Variants in PTPRZ1 observed in about 807,000 individuals in gnomAD.
PTPRZ1 encodes the protein protein tyrosine phosphatase receptor type Z1, also known as receptor-type tyrosine-protein phosphatase zeta.
A neutral mutation model predicts 214.1 loss-of-function variants in PTPRZ1; 82 were observed. That is an observed-to-expected ratio of 0.38 (90% CI 0.32 to 0.46). PTPRZ1 has a LOEUF of 0.46. Among genes scored for constraint, PTPRZ1 ranks in the 20% least tolerant of loss-of-function variants. The pLI is 1.00. For missense variants in PTPRZ1, 2,603 were observed against 2,748.7 expected (o/e 0.95, Z 1.19); for synonymous variants, 945 against 987.9 (o/e 0.96, Z 0.81).
chr7:122,013,986 G>T, intron 12 of PTPRZ1, 97 bp downstream of exon 12: 1 of 1,022,562 alleles, frequency 9.8e-7, no homozygotes, highest in South Asian at 2.3e-5. Flanking sequence ...TGGTAAAATG[G>T]TACATCATCA....
intron 12 of PTPRZ1, among the ~76,000 whole-genome samples, chr7:122,014,422 A>G (rs1001769586): frequency 6.6e-6 from 1 of 151,858 alleles, no homozygotes; most frequent in Non-Finnish European, 1.5e-5. Flanking sequence ...AGCTTTATTT[A>G]TTATTATTAT....
rs534143827 is a variant in PTPRZ1, at chr7:122,025,084, T to C, written c.4989-3468T>C. 1.1e-4 allele frequency among the ~76,000 whole-genome samples: 16 copies of C among 152,290 alleles called. No individual in the cohort carries two copies. In the East Asian group the frequency reaches 2.5e-3, roughly 24 times the overall value. ...ATCCATCTAATCATTCAACAAATATTGAACACCTATTCTACTCCTGGCACA... is the reference window on the plus strand; with the variant it reads ...ATCCATCTAATCATTCAACAAATATCGAACACCTATTCTACTCCTGGCACA... On this transcript the variant is annotated intron_variant, in intron 13 of 29. Coordinates refer to ENST00000393386, the MANE Select transcript of PTPRZ1 (RefSeq NM_002851.3).
At chr7:121,956,040 G>A (rs560490848) in intron 2 of PTPRZ1, among the ~76,000 whole-genome samples, 5 of 151,888 alleles carry the variant, frequency 3.3e-5, no homozygotes, top group Non-Finnish European at 5.9e-5. Flanking sequence ...TTAGAGATGG[G>A]GGTGGTGGGG....
intron 13 of PTPRZ1, among the ~76,000 whole-genome samples, chr7:122,020,353 A>G (rs764076710): frequency 2.0e-5 from 3 of 152,236 alleles, no homozygotes; most frequent in African/African-American, 7.2e-5. Context: ...ACAAAAGTGT[A>G]TGCGTAGCAG....
chr7:122,023,096 A>T (rs1799067687), intron 13 of PTPRZ1, among the ~76,000 whole-genome samples: 1 of 152,174 alleles, frequency 6.6e-6, no homozygotes, highest in South Asian at 2.1e-4. Context: ...CAGTGTAAGA[A>T]CTATAAAATT....
intron 1 of PTPRZ1, among the ~76,000 whole-genome samples, chr7:121,896,547 C>T (rs572597023): frequency 1.3e-5 from 2 of 152,026 alleles, no homozygotes; most frequent in African/African-American, 4.8e-5. Flanking sequence ...TATGCTACAA[C>T]ATAGATGAAC....
At chr7:121,971,317 G>T (rs753391559) in intron 3 of PTPRZ1, among the ~76,000 whole-genome samples, 1 of 152,160 alleles carries the variant, frequency 6.6e-6, no homozygotes, top group Non-Finnish European at 1.5e-5. Flanking sequence ...TGGGAAGGAG[G>T]TATTTCAAGG....
intron 2 of PTPRZ1, among the ~76,000 whole-genome samples, chr7:121,957,005 A>T (rs574334151): frequency 4.2e-4 from 64 of 152,236 alleles, no homozygotes; most frequent in Non-Finnish European, 7.8e-4. Context: ...AAAACTTGAT[A>T]AAAATATTTC....
chr7:121,878,248 A>T (rs1794121357), intron 1 of PTPRZ1, among the ~76,000 whole-genome samples: 3 of 152,176 alleles, frequency 2.0e-5, no homozygotes, highest in African/African-American at 7.2e-5. Context: ...CCCTAATCAC[A>T]CCATCCACAT....
At chr7:122,014,910 C>G (rs533428200) in intron 12 of PTPRZ1, among the ~76,000 whole-genome samples, 1 of 152,222 alleles carries the variant, frequency 6.6e-6, no homozygotes, top group African/African-American at 2.4e-5. Context: ...CTGTTACACA[C>G]TTTTTTAAGT....
intron 23 of PTPRZ1, 33 bp downstream of exon 23, chr7:122,044,601 T>A (rs370035115): frequency 2.0e-4 from 329 of 1,604,958 alleles, no homozygotes; most frequent in Non-Finnish European, 2.7e-4. Flanking sequence ...TGGATGTCAC[T>A]ACAGAACTGA....
rs540900047 is a variant in PTPRZ1, at chr7:121,950,095, G to A, written c.125-17856G>A. On this transcript the variant is annotated intron_variant, in intron 2 of 29. Transcript: ENST00000393386. ...GCTGGGGAAGCCTCACAATTATGGC[G>A]GAAGGCAAGGATGACCAAGTCACAT... Among the ~76,000 whole-genome samples the A allele has an allele frequency of 3.5e-3, 537 of 152,270 alleles. 1 individual carries two copies. The highest frequency in any genetic ancestry group is 5.1e-3 in the Non-Finnish European group (346 of 68,030).
At position 121,873,277 on chromosome 7, in the gene PTPRZ1, C is replaced by T. The variant is rs1793934650; in HGVS notation, c.-223C>T. On this transcript the variant is annotated 5_prime_UTR_variant, in exon 1 of 30. Coordinates refer to ENST00000393386, the MANE Select transcript of PTPRZ1 (RefSeq NM_002851.3). ...GCGGCTTTCTCCAGATTATTCCTCT[C>T]TCGCTGTCTCTGACTGTCTCTCTCT... 1 of 497,104 alleles carries T rather than the reference C, an allele frequency of 2.0e-6. No individual in the cohort carries two copies. The allele number at this position is 497,104 out of a possible 1,614,324, so 30.8% of individuals were successfully genotyped here.
chr7:122,051,973 C>T, intron 25 of PTPRZ1, 34 bp downstream of exon 25: 1 of 1,546,598 alleles, frequency 6.5e-7, no homozygotes, highest in Admixed American at 2.0e-5. Flanking sequence ...AGACTGCCAG[C>T]TTGTGTTACA....
At chr7:122,050,254 G>T (rs1365947982) in intron 23 of PTPRZ1, among the ~76,000 whole-genome samples, 1 of 151,530 alleles carries the variant, frequency 6.6e-6, no homozygotes, top group Non-Finnish European at 1.5e-5. Context: ...ACCAGCCTGG[G>T]TAATATGGTG....
rs1051953622 is a variant in PTPRZ1, at chr7:122,010,381, T to C, written c.1335T>C (p.Pro445=). ...TTGAAGAAGGCGCTATTGTGAATCC[T>C]GGTAGAGACAGTGCTACAAACCAAA... ...KDIEEGAIVN[P]GRDSATNQIR... Residue 445 remains proline (P), a synonymous_variant, in exon 12 of 30, where the codon CCT becomes CCC. Coordinates refer to ENST00000393386, the MANE Select transcript of PTPRZ1 (RefSeq NM_002851.3). The C allele has an allele frequency of 6.2e-7, 1 of 1,613,414 alleles. No homozygotes were observed.
At chr7:121,961,188 T>A (rs1448239230) in intron 2 of PTPRZ1, among the ~76,000 whole-genome samples, 2 of 152,240 alleles carry the variant, frequency 1.3e-5, no homozygotes, top group Non-Finnish European at 2.9e-5. Flanking sequence ...GTTTCTCTGA[T>A]GAGACATCTA....
intron 1 of PTPRZ1, among the ~76,000 whole-genome samples, chr7:121,921,298 T>C (rs1401597340): frequency 6.6e-6 from 1 of 152,112 alleles, no homozygotes; most frequent in Non-Finnish European, 1.5e-5. Context: ...ATTACCAACA[T>C]AGAAATTCTC....
chr7:121,935,101 G>A (rs1357630803), intron 2 of PTPRZ1, among the ~76,000 whole-genome samples: 1 of 152,064 alleles, frequency 6.6e-6, no homozygotes, highest in Non-Finnish European at 1.5e-5. Context: ...TGTGTTTGTT[G>A]ATCAAAAGAT....
Sources: allele counts gnomAD v4.1 joint callset (sites outside exome capture counted in the v4.1 genomes callset), GRCh38; gene constraint gnomAD v4.1.1; transcripts MANE v1.5; gene names NCBI Gene and HGNC (gene_info 2026-07-23, HGNC 2026-07-21).